Variants in CDH4 observed in about 807,000 individuals in gnomAD.
CDH4 encodes cadherin 4.
In CDH4, 33 loss-of-function variants were observed where a neutral mutation model predicts 86.0. The observed-to-expected ratio is 0.38, with a 90% confidence interval of 0.29 to 0.51. CDH4 has a LOEUF of 0.51. Ranked by LOEUF, CDH4 falls within the 20% of genes least tolerant of loss-of-function variation. The probability of loss-of-function intolerance (pLI) is 0.86; values close to 1 mark genes in which losing one functional copy is unlikely to be tolerated. For synonymous variants in CDH4, 555 were observed against 549.4 expected, an observed-to-expected ratio of 1.01 and a Z score of -0.14; for missense variants, 1,114 against 1,307.4, an observed-to-expected ratio of 0.85 and a Z score of 2.28.
At chr20:61,804,670 A>T (rs1449532116) in intron 4 of CDH4, among the ~76,000 whole-genome samples, 1 of 152,078 alleles carries the variant, frequency 6.6e-6, no homozygotes, top group Non-Finnish European at 1.5e-5. Context: ...CAGTGTGGGG[A>T]TCCTCCAGGG....
At chr20:61,910,388 C>T (rs747413747) in intron 8 of CDH4, 34 bp from the exon 9 acceptor site, 18 of 1,595,276 alleles carry the variant, frequency 1.1e-5, no homozygotes, top group South Asian at 9.9e-5. Flanking sequence ...ACACTTAACA[C>T]GGGTTTGTGA....
rs1476841214 is a variant in CDH4 at position 61,252,691 on chromosome 20, C to G, written c.57+121C>G. 2 of 485,926 alleles carry G rather than the reference C, an allele frequency of 4.1e-6. No homozygotes were observed. Among genetic ancestry groups the G allele is most frequent in the Non-Finnish European group, 6.0e-6 (2 of 332,842 alleles). 30.1% of individuals were successfully genotyped at this position (485,926 alleles called of 1,614,324 possible). A position where few individuals can be genotyped will look rare whatever the true frequency, so the allele number is the denominator to read the frequency against. ...CTCCCGGGCTCCCCCGCCGCGCTCC[C>G]CGCTGCATCCAGCCCGGCGCCCGCG... On this transcript the variant is annotated intron_variant, in intron 1 of 15. Coordinates refer to ENST00000614565, the MANE Select transcript of CDH4 (RefSeq NM_001794.5). This position sits in a 1 kb window ranked among gnomAD's most constrained non-coding sequence, Gnocchi z 4.4.
chr20:61,376,838 C>T (rs536536935), intron 2 of CDH4, among the ~76,000 whole-genome samples: 1 of 152,162 alleles, frequency 6.6e-6, no homozygotes, highest in African/African-American at 2.4e-5. Flanking sequence ...TCATTGGCAC[C>T]GGGAGGCACT....
Position 61,676,830 on chromosome 20 carries a change from AAGGGGAGGTC to A in CDH4, c.170-66724_170-66715del, listed in dbSNP as rs772661086. 2.0e-3 allele frequency among the ~76,000 whole-genome samples: 311 copies of A among 152,300 alleles called. 1 individual carries two copies. Among genetic ancestry groups the A allele is most frequent in the Non-Finnish European group, 2.6e-3 (178 of 68,014 alleles). ...GAGTGGAAGGGGGTTGCTGTTGTCC[AAGGGGAGGTC>A]AGGGGAGGCCTGGCTGGGTGGCCTT... is the stretch of plus-strand genomic sequence containing the variant. On this transcript the variant is annotated intron_variant, in intron 2 of 15. Coordinates refer to ENST00000614565, the MANE Select transcript of CDH4 (RefSeq NM_001794.5). The surrounding 1 kb of genome is among the most constrained non-coding windows in gnomAD (Gnocchi z 4.5).
intron 2 of CDH4, among the ~76,000 whole-genome samples, chr20:61,265,367 A>G (rs577013658): frequency 5.6e-4 from 81 of 145,430 alleles, no homozygotes; most frequent in African/African-American, 1.9e-3. Context: ...CCTTCATTCA[A>G]TCTTACACAT....
At chr20:61,473,993 CT>C (rs2085520599) in intron 2 of CDH4, among the ~76,000 whole-genome samples, 1 of 152,098 alleles carries the variant, frequency 6.6e-6, no homozygotes, top group Non-Finnish European at 1.5e-5. Context: ...CTTGATTCTA[CT>C]GTAAGGAAAA....
At chr20:61,416,107 T>C (rs2085145764) in intron 2 of CDH4, among the ~76,000 whole-genome samples, 1 of 151,868 alleles carries the variant, frequency 6.6e-6, no homozygotes, top group Non-Finnish European at 1.5e-5. Flanking sequence ...GTTTAAGCAA[T>C]TCTCCTGCCT....
At chr20:61,573,700 G>T (rs890362034) in intron 2 of CDH4, among the ~76,000 whole-genome samples, 5 of 152,204 alleles carry the variant, frequency 3.3e-5, no homozygotes, top group African/African-American at 1.2e-4. Flanking sequence ...TCCACACGGG[G>T]TTCCTGCCAT....
At chr20:61,549,914 C>A (rs533013585) in intron 2 of CDH4, among the ~76,000 whole-genome samples, 1 of 152,196 alleles carries the variant, frequency 6.6e-6, no homozygotes, top group Non-Finnish European at 1.5e-5. Flanking sequence ...GCTGCCACCC[C>A]CCTCAGTGAA....
At chr20:61,411,369 G>C (rs181078706) in intron 2 of CDH4, among the ~76,000 whole-genome samples, 1 of 149,112 alleles carries the variant, frequency 6.7e-6, no homozygotes, top group East Asian at 2.0e-4. Flanking sequence ...AACTGCCTCA[G>C]TCACTCCCTC....
chr20:61,821,620 T>A (rs892392270), intron 4 of CDH4, among the ~76,000 whole-genome samples: 2 of 152,176 alleles, frequency 1.3e-5, no homozygotes, highest in Non-Finnish European at 2.9e-5. Context: ...AGGACGCAGT[T>A]AAGGAGATGT....
intron 2 of CDH4, among the ~76,000 whole-genome samples, chr20:61,413,042 C>T (rs2085127705): frequency 6.6e-6 from 1 of 152,194 alleles, no homozygotes; most frequent in African/African-American, 2.4e-5. Context: ...TTCCATGTTC[C>T]AGGCTCTTGG....
chr20:61,521,425 C>T (rs1347666214), intron 2 of CDH4, among the ~76,000 whole-genome samples: 1 of 152,176 alleles, frequency 6.6e-6, no homozygotes, highest in African/African-American at 2.4e-5. Flanking sequence ...CAGCGTCAGC[C>T]CTGTCTCTCT....
intron 2 of CDH4, among the ~76,000 whole-genome samples, chr20:61,471,642 T>A (rs2085504214): frequency 6.6e-6 from 1 of 152,070 alleles, no homozygotes; most frequent in African/African-American, 2.4e-5. Flanking sequence ...ATATAGGTGC[T>A]TATAGCTATA....
At chr20:61,797,483 C>A (rs1381959262) in intron 4 of CDH4, among the ~76,000 whole-genome samples, 1 of 152,212 alleles carries the variant, frequency 6.6e-6, no homozygotes, top group African/African-American at 2.4e-5. Flanking sequence ...AAAACCACAC[C>A]ACCTGGTGGG....
intron 2 of CDH4, among the ~76,000 whole-genome samples, chr20:61,317,513 G>C (rs1344860978): frequency 6.6e-6 from 1 of 152,084 alleles, no homozygotes; most frequent in Non-Finnish European, 1.5e-5. Context: ...CCCAGCTCAC[G>C]TGCCTGCCAA....
At chr20:61,788,824 C>T (rs1979017419) in intron 4 of CDH4, among the ~76,000 whole-genome samples, 1 of 152,194 alleles carries the variant, frequency 6.6e-6, no homozygotes, top group African/African-American at 2.4e-5. Context: ...GGCCCAAAAG[C>T]AAAGCCAATG....
chr20:61,358,645 GCACGGCCCTTCCCTGGTT>G (rs2084766641), intron 2 of CDH4, among the ~76,000 whole-genome samples: 1 of 152,216 alleles, frequency 6.6e-6, no homozygotes, highest in East Asian at 1.9e-4. Context: ...AGGGTCAAAT[GCACGGCCCTTCCCTGGTT>G]TTCTATTGCA....
intron 2 of CDH4, among the ~76,000 whole-genome samples, chr20:61,713,582 G>A (rs1457154527): frequency 1.3e-5 from 2 of 152,238 alleles, no homozygotes; most frequent in African/African-American, 2.4e-5. Context: ...AACGGTGGAT[G>A]TGCAGGTGTG....
Sources: allele counts gnomAD v4.1 joint callset (sites outside exome capture counted in the v4.1 genomes callset), GRCh38; gene constraint gnomAD v4.1.1; non-coding constraint Gnocchi (gnomAD v3.1); transcripts MANE v1.5; gene names NCBI Gene and HGNC (gene_info 2026-07-23, HGNC 2026-07-21).